The following IMMP2L variants were observed in gnomAD, a reference collection of about 807,000 sequenced individuals.
IMMP2L encodes the protein mitochondrial inner membrane protease subunit 2.
Under a neutral mutation model 19.3 loss-of-function variants are expected in IMMP2L, and 18 were observed. That is an observed-to-expected ratio of 0.93 (90% CI 0.64 to 1.38). The LOEUF (loss-of-function observed/expected upper bound fraction) is 1.38. IMMP2L is among the 40% of genes most tolerant of loss of function. IMMP2L has a pLI of 0.00. For synonymous variants in IMMP2L, 76 were observed against 73.0 expected (o/e 1.04, Z -0.21); for missense variants, 233 against 218.2 (o/e 1.07, Z -0.43).
chr7:111,087,776 TGA>T, intron 3 of IMMP2L, among the ~76,000 whole-genome samples: 1 of 152,092 alleles, frequency 6.6e-6, no homozygotes, highest in Non-Finnish European at 1.5e-5. Flanking sequence ...GTGGGTCAAA[TGA>T]GAGATTATAT....
At chr7:111,353,780 A>G (rs1261962222) in intron 3 of IMMP2L, among the ~76,000 whole-genome samples, 1 of 152,174 alleles carries the variant, frequency 6.6e-6, no homozygotes, top group East Asian at 1.9e-4. Context: ...AACTTAATAT[A>G]TCAAAAGACT....
intron 3 of IMMP2L, among the ~76,000 whole-genome samples, chr7:111,274,115 A>AG (rs984468854): frequency 2.6e-5 from 4 of 152,030 alleles, no homozygotes; most frequent in Non-Finnish European, 5.9e-5. Context: ...TGTTTTTCCC[A>AG]GGGGGAAAAA....
intron 3 of IMMP2L, among the ~76,000 whole-genome samples, chr7:111,380,251 C>G (rs1356804526): frequency 2.0e-5 from 3 of 151,808 alleles, no homozygotes; most frequent in Middle Eastern, 3.4e-3. Flanking sequence ...TAAGAAATAC[C>G]CTCTATATTC....
intron 3 of IMMP2L, among the ~76,000 whole-genome samples, chr7:111,290,192 C>G (rs1187914885): frequency 6.6e-6 from 1 of 152,118 alleles, no homozygotes; most frequent in Non-Finnish European, 1.5e-5. Flanking sequence ...TCTTCAAATA[C>G]AAACATCATG....
At chr7:110,947,357 A>T (rs2129553675) in intron 4 of IMMP2L, among the ~76,000 whole-genome samples, 1 of 152,184 alleles carries the variant, frequency 6.6e-6, no homozygotes, top group Non-Finnish European at 1.5e-5. Context: ...AGGGCTCAGG[A>T]ACATTATAAA....
At chr7:111,351,405 GGT>G (rs1421102668) in intron 3 of IMMP2L, among the ~76,000 whole-genome samples, 6 of 152,002 alleles carry the variant, frequency 3.9e-5, no homozygotes. Context: ...TGACCAGGCT[GGT>G]CTTGAACTCC....
chr7:110,861,167 C>A (rs1807388045), intron 5 of IMMP2L, among the ~76,000 whole-genome samples: 1 of 148,974 alleles, frequency 6.7e-6, no homozygotes, highest in Non-Finnish European at 1.5e-5. Context: ...GACAGATCTA[C>A]TGTAAGACAG....
chr7:111,319,338 T>C (rs1434439570), intron 3 of IMMP2L, among the ~76,000 whole-genome samples: 2 of 152,112 alleles, frequency 1.3e-5, no homozygotes, highest in African/African-American at 2.4e-5. Context: ...AAGTAGAATA[T>C]CCTTCTACAC....
intron 3 of IMMP2L, among the ~76,000 whole-genome samples, chr7:111,413,615 CAATA>C (rs1273632218): frequency 1.3e-5 from 2 of 151,550 alleles, no homozygotes; most frequent in African/African-American, 4.9e-5. Flanking sequence ...ATGACAATAT[CAATA>C]GTTACAGAAA....
chr7:111,145,789 G>A (rs1236926466), intron 3 of IMMP2L, among the ~76,000 whole-genome samples: 1 of 151,946 alleles, frequency 6.6e-6, no homozygotes, highest in East Asian at 1.9e-4. Context: ...AAACTTGGGA[G>A]AAAAACAATG....
rs902932445 is a variant in IMMP2L at position 111,375,187 on chromosome 7, C to G, written c.239+112051G>C. ...CGTATTTGCCAAACATTAAAAGGAA[C>G]AGGCTTGTTGAGTGTTGCTACAAAG... On this transcript the variant is annotated intron_variant, in intron 3 of 5. Transcript: ENST00000405709. 3.9e-5 allele frequency among the ~76,000 whole-genome samples: 6 copies of G among 152,094 alleles called. No individual in the cohort carries two copies. In the East Asian group the frequency reaches 1.2e-3, roughly 29 times the overall value.
intron 5 of IMMP2L, among the ~76,000 whole-genome samples, chr7:110,719,303 C>G (rs1052764327): frequency 6.6e-6 from 1 of 152,020 alleles, no homozygotes; most frequent in Non-Finnish European, 1.5e-5. Flanking sequence ...CAGAAGCAAA[C>G]ATGAAGGTAA....
chr7:110,882,338 TTCCC>T (rs1350198490), intron 5 of IMMP2L, among the ~76,000 whole-genome samples: 1 of 141,704 alleles, frequency 7.1e-6, no homozygotes, highest in Non-Finnish European at 1.6e-5. Flanking sequence ...CCTTCCTTCC[TTCCC>T]TCCTTCCTCT....
chr7:111,178,100 C>T (rs527929890), intron 3 of IMMP2L, among the ~76,000 whole-genome samples: 20 of 151,948 alleles, frequency 1.3e-4, no homozygotes, highest in Non-Finnish European at 2.6e-4. Context: ...AATCACAGAA[C>T]CAAATACAGG....
At chr7:111,221,015 G>A (rs1031051921) in intron 3 of IMMP2L, among the ~76,000 whole-genome samples, 1 of 151,910 alleles carries the variant, frequency 6.6e-6, no homozygotes, top group Admixed American at 6.6e-5. Flanking sequence ...TAATCTCTTC[G>A]AGAAACACCT....
At chr7:110,989,877 T>C (rs1822274809) in intron 3 of IMMP2L, among the ~76,000 whole-genome samples, 1 of 152,002 alleles carries the variant, frequency 6.6e-6, no homozygotes, top group Admixed American at 6.6e-5. Flanking sequence ...TATTGGAATA[T>C]ATTTTTTATT....
At chr7:111,561,688 T>C (rs567754556) in intron 1 of IMMP2L, among the ~76,000 whole-genome samples, 163 bp downstream of exon 1, 1 of 152,190 alleles carries the variant, frequency 6.6e-6, no homozygotes, top group South Asian at 2.1e-4. Flanking sequence ...GTCCGGGGCC[T>C]GGAGCCTGTG....
At chr7:110,861,139 G>GAC (rs1280851682) in intron 5 of IMMP2L, among the ~76,000 whole-genome samples, 3 of 147,544 alleles carry the variant, frequency 2.0e-5, no homozygotes, top group African/African-American at 7.4e-5. Context: ...GACAGAGACA[G>GAC]AGAGACAGAG....
intron 3 of IMMP2L, among the ~76,000 whole-genome samples, chr7:111,009,968 A>C (rs1824757859): frequency 6.6e-6 from 1 of 152,104 alleles, no homozygotes; most frequent in Non-Finnish European, 1.5e-5. Context: ...TTAAGAAACA[A>C]ACTCTCCGTG....
Sources: gnomAD v4.1 joint callset for allele counts (sites outside exome capture counted in the v4.1 genomes callset) on GRCh38, gnomAD v4.1.1 for gene constraint, MANE v1.5 for transcripts, NCBI Gene and HGNC (gene_info 2026-07-23, HGNC 2026-07-21) for gene names.